ORC2: variants seen among roughly 807,000 people sequenced by gnomAD.
ORC2 encodes origin recognition complex protein 2 homolog.
ORC2 carries 37 observed loss-of-function variants against 77.7 expected under a neutral mutation model. That is an observed-to-expected ratio of 0.48 (90% CI 0.37 to 0.63). The LOEUF is 0.63. Among genes scored for constraint, ORC2 ranks in the 20% least tolerant of loss-of-function variants. The pLI is 0.00. For synonymous variants in ORC2, 201 were observed against 229.5 expected, an observed-to-expected ratio of 0.88 and a Z score of 1.12; for missense variants, 557 against 661.9, an observed-to-expected ratio of 0.84 and a Z score of 1.74.
intron 9 of ORC2, among the ~76,000 whole-genome samples, chr2:200,934,695 C>G (rs2041003916): frequency 6.6e-6 from 1 of 151,760 alleles, no homozygotes; most frequent in African/African-American, 2.4e-5. Flanking sequence ...AGGAAATCAA[C>G]TGCAAGGTAA....
Position 200,931,350 on chromosome 2 carries a change from C to T in ORC2, c.906G>A (p.Met302Ile). The T allele has an allele frequency of 2.2e-6, 3 of 1,366,146 alleles. No individual in the cohort carries two copies. The highest frequency in any genetic ancestry group is 3.0e-6 in the Non-Finnish European group (3 of 998,466). 84.6% of individuals were successfully genotyped at this position (1,366,146 alleles called of 1,614,324 possible). The change falls in exon 11 of 18, where the codon ATG (methionine) becomes ATA (isoleucine). Residue 302 changes from methionine to isoleucine, a missense_variant. Coordinates refer to ENST00000234296, the MANE Select transcript of ORC2 (RefSeq NM_006190.5). ...ATGATAATACTTACTGTAATTGCAG[C>T]ATCCATTTATGAAATAATTTTTCAT... ...QQYEKLFHKW[M>I]LQLHLGFNIV...
chr2:200,947,631 T>C (rs2125014672), intron 5 of ORC2, among the ~76,000 whole-genome samples: 1 of 152,374 alleles, frequency 6.6e-6, no homozygotes, highest in Non-Finnish European at 1.5e-5. Flanking sequence ...TATATACCTT[T>C]ATAATTTTCA....
chr2:200,911,815 T>A (rs563135160), intron 17 of ORC2, among the ~76,000 whole-genome samples: 1 of 152,194 alleles, frequency 6.6e-6, no homozygotes, highest in South Asian at 2.1e-4. Context: ...ATCTATCACA[T>A]TATCTCTGCA....
rs370177805 is a variant in ORC2 at position 200,941,338 on chromosome 2, C to T, written c.422-59G>A. ...CGGACACTTCACTTTTCATTGTGGT[C>T]TAGTTTCATTAAAAGTAAAGTTTGC... is the stretch of plus-strand genomic sequence containing the variant. On this transcript the variant is annotated intron_variant, in intron 6 of 17. Transcript: ENST00000234296. 50 of 1,500,746 alleles carry T rather than the reference C, an allele frequency of 3.3e-5. No individual in the cohort carries two copies. The African/African-American group carries it at 6.2e-4, about 19-fold the overall frequency. The allele number at this position is 1,500,746 out of a possible 1,614,324, so 93.0% of individuals were successfully genotyped here.
intron 4 of ORC2, among the ~76,000 whole-genome samples, chr2:200,952,142 T>C (rs1008155671): frequency 2.0e-5 from 3 of 152,128 alleles, no homozygotes; most frequent in African/African-American, 7.2e-5. Flanking sequence ...CTACAGTATA[T>C]CTAGTTTTCA....
In ORC2 at chr2:200,913,947, A is replaced by T; in HGVS notation, c.1512T>A (p.Asp504Glu). 1 of 1,588,654 alleles carries T rather than the reference A, an allele frequency of 6.3e-7. No homozygotes were observed. Among genetic ancestry groups the T allele is most frequent in the Middle Eastern group, 1.7e-4 (1 of 5,754 alleles). The change falls in exon 16 of 18, where the codon GAT becomes GAA. Residue 504 changes from aspartate to glutamate, a missense_variant. Coordinates refer to ENST00000234296, the MANE Select transcript of ORC2 (RefSeq NM_006190.5). ...LLIKYQLDNQ[D>E]NPSYIGLSFQ... Reference sequence around the variant, plus strand: ...ATTGGATACCAATGTAAGAAGGGTTATCCTGGTTGTCCAGCTGGTATTTTA... The same window carrying T: ...ATTGGATACCAATGTAAGAAGGGTTTTCCTGGTTGTCCAGCTGGTATTTTA...
At chr2:200,961,566 A>G (rs1172957394) in intron 1 of ORC2, among the ~76,000 whole-genome samples, 4 of 152,202 alleles carry the variant, frequency 2.6e-5, no homozygotes, top group Non-Finnish European at 4.4e-5. Flanking sequence ...TCCAAACTGG[A>G]AAGTTTCTCT....
chr2:200,955,651 G>A (rs1233139189), intron 4 of ORC2, among the ~76,000 whole-genome samples: 1 of 152,164 alleles, frequency 6.6e-6, no homozygotes, highest in Non-Finnish European at 1.5e-5. Flanking sequence ...AAAATATGTG[G>A]CATAGAGAAA....
intron 15 of ORC2, among the ~76,000 whole-genome samples, chr2:200,916,256 G>C (rs774097271): frequency 6.6e-6 from 1 of 152,118 alleles, no homozygotes; most frequent in Non-Finnish European, 1.5e-5. Context: ...GTCAAGGTGG[G>C]TGGATCACTT....
At chr2:200,915,894 CA>C (rs1187871138) in intron 15 of ORC2, among the ~76,000 whole-genome samples, 1 of 152,008 alleles carries the variant, frequency 6.6e-6, no homozygotes, top group African/African-American at 2.4e-5. Context: ...AACGTTTTAC[CA>C]TGTTGGCCAG....
chr2:200,915,489 T>C (rs1315780353), intron 15 of ORC2, among the ~76,000 whole-genome samples: 4 of 152,158 alleles, frequency 2.6e-5, no homozygotes. Flanking sequence ...AACTCAGCAC[T>C]AAATAAAACT....
rs3087357 is a variant in ORC2, at chr2:200,963,642, C to A, written c.-212G>T. The A allele has an allele frequency of 5.0e-6, 2 of 398,424 alleles. No homozygotes were observed. The highest frequency in any genetic ancestry group is 3.6e-5 in the East Asian group (1 of 28,052). 24.7% of individuals were successfully genotyped at this position (398,424 alleles called of 1,614,324 possible). A position where few individuals can be genotyped will look rare whatever the true frequency, so the allele number is the denominator to read the frequency against. On this transcript the variant is annotated 5_prime_UTR_variant, in exon 1 of 18. Transcript: ENST00000234296. ...CGACCACCGGGGAGGTAAGGAGCAC[C>A]GGAGGCCAGCTGGGGGATGGGAAGC...
At chr2:200,946,172 T>C (rs956268095) in intron 5 of ORC2, among the ~76,000 whole-genome samples, 2 of 152,030 alleles carry the variant, frequency 1.3e-5, no homozygotes, top group Non-Finnish European at 2.9e-5. Context: ...TTTTTTTTTA[T>C]AGAGACAAGG....
intron 13 of ORC2, among the ~76,000 whole-genome samples, chr2:200,924,851 C>G (rs570425750): frequency 2.0e-5 from 3 of 151,964 alleles, no homozygotes; most frequent in Admixed American, 2.0e-4. Flanking sequence ...CTCTGCCTCC[C>G]GGGCTCAAGC....
At chr2:200,927,513 T>A (rs1197220297) in intron 11 of ORC2, among the ~76,000 whole-genome samples, 1 of 146,122 alleles carries the variant, frequency 6.8e-6, no homozygotes, top group Non-Finnish European at 1.5e-5. Context: ...AAACCCCATC[T>A]CTACTAAAAA....
chr2:200,935,767 G>A lies in ORC2; in HGVS notation c.640C>T (p.Gln214Ter). The A allele has an allele frequency of 6.2e-7, 1 of 1,614,020 alleles. No homozygotes were observed. The highest frequency in any genetic ancestry group is 8.5e-7 in the Non-Finnish European group (1 of 1,179,992). ...AVIFSQKIQA[Q>*]NRVVSAPVGK... ...ACAGGAGCTGAAACTACTCTATTCTGAGCTTGAATCTTTTGGCTGAATATG... is the reference window on the plus strand; with the variant it reads ...ACAGGAGCTGAAACTACTCTATTCTAAGCTTGAATCTTTTGGCTGAATATG... Residue 214 changes from glutamine (Q) to a stop codon, truncating the protein, a stop_gained, in exon 9 of 18, where the codon CAG becomes TAG. Transcript: ENST00000234296. LOFTEE classifies it high-confidence loss of function.
Position 200,909,586 on chromosome 2 carries a change from C to T in ORC2, c.*1715G>A, listed in dbSNP as rs1245818780. 6.6e-6 allele frequency: 1 copy of T among 151,436 alleles called. No individual in the cohort carries two copies. The highest frequency in any genetic ancestry group is 1.5e-5 in the Non-Finnish European group (1 of 67,936). The allele number at this position is 151,436 out of a possible 1,614,324, so 9.4% of individuals were successfully genotyped here. ...AGGCGTGGTGGCGTGTGCCTGTAGT[C>T]CCAGCTCAGGAGGCTGAGGCACAAG... is the stretch of plus-strand genomic sequence containing the variant. On this transcript the variant is annotated 3_prime_UTR_variant, in exon 18 of 18. Transcript: ENST00000234296.
chr2:200,910,660 T>G lies in ORC2; in HGVS notation c.*641A>C. ...TGCTTTCTAGGCTGGGTAGATACCC[T>G]ATATACTCTGTTTTTCCCATTATCC... On this transcript the variant is annotated 3_prime_UTR_variant, in exon 18 of 18. Coordinates refer to ENST00000234296, the MANE Select transcript of ORC2 (RefSeq NM_006190.5). 6.6e-6 allele frequency: 1 copy of G among 152,254 alleles called. No homozygotes were observed. The highest frequency in any genetic ancestry group is 1.9e-4 in the East Asian group (1 of 5,198). 9.4% of individuals were successfully genotyped at this position (152,254 alleles called of 1,614,324 possible).
chr2:200,960,626 G>T (rs984115274), intron 1 of ORC2, among the ~76,000 whole-genome samples: 2 of 152,098 alleles, frequency 1.3e-5, no homozygotes, highest in Admixed American at 6.6e-5. Context: ...TAGGTATTTT[G>T]CATCTCTCTC....
Sources: allele counts gnomAD v4.1 joint callset (sites outside exome capture counted in the v4.1 genomes callset), GRCh38; gene constraint gnomAD v4.1.1; transcripts MANE v1.5; gene names NCBI Gene and HGNC (gene_info 2026-07-23, HGNC 2026-07-21).